IFT122: variants seen among roughly 807,000 people sequenced by gnomAD.
IFT122 encodes intraflagellar transport 122.
In IFT122, 118 loss-of-function variants were observed where a neutral mutation model predicts 161.6. The ratio of observed to expected loss-of-function variants is 0.73; its 90% CI spans 0.63 to 0.85. IFT122 has a LOEUF of 0.85. Among genes scored for constraint, IFT122 ranks in the 40% least tolerant of loss-of-function variants. IFT122 has a pLI of 0.00. For missense variants in IFT122, 1,381 were observed against 1,579.6 expected (o/e 0.87, Z 2.13); for synonymous variants, 550 against 602.4 (o/e 0.91, Z 1.27).
At chr3:129,470,759 G>A (rs1172440379) in intron 9 of IFT122, among the ~76,000 whole-genome samples, 1 of 151,806 alleles carries the variant, frequency 6.6e-6, no homozygotes, top group Non-Finnish European at 1.5e-5. Context: ...TAGTAGAGAC[G>A]GGGTTTCTCC....
intron 19 of IFT122, among the ~76,000 whole-genome samples, chr3:129,501,691 G>C (rs2081570347): frequency 6.6e-6 from 1 of 152,208 alleles, no homozygotes; most frequent in Non-Finnish European, 1.5e-5. Context: ...TGTTCTGCTT[G>C]CTTTCCAGAT....
intron 3 of IFT122, among the ~76,000 whole-genome samples, chr3:129,456,850 A>G (rs936043843): frequency 2.6e-5 from 4 of 152,200 alleles, no homozygotes; most frequent in Admixed American, 1.3e-4. Context: ...CGGGAGTCGG[A>G]GGTTGCGGTG....
At chr3:129,458,750 A>G (rs1158978020) in intron 4 of IFT122, 73 bp downstream of exon 4, 2 of 1,198,530 alleles carry the variant, frequency 1.7e-6, no homozygotes, top group African/African-American at 3.0e-5. Flanking sequence ...CTCTTAGAAA[A>G]GATGTAGGAG....
At chr3:129,441,502 C>T (rs1426051060) in intron 1 of IFT122, among the ~76,000 whole-genome samples, 1 of 152,120 alleles carries the variant, frequency 6.6e-6, no homozygotes, top group African/African-American at 2.4e-5. Context: ...GAAACTGAAG[C>T]CCAGAGAGGG....
At position 129,514,770 on chromosome 3, in the gene IFT122, C is replaced by T. The variant is rs114602799; in HGVS notation, c.3153+216C>T. 0.011 allele frequency: 6,786 copies of T among 646,066 alleles called. 303 individuals carry two copies. Among genetic ancestry groups the T allele is most frequent in the African/African-American group, 0.1 (5,746 of 55,858 alleles). 40.0% of individuals were successfully genotyped at this position (646,066 alleles called of 1,614,324 possible). A position where few individuals can be genotyped will look rare whatever the true frequency, so the allele number is the denominator to read the frequency against. ...CCACCTGGCGCCCGCTCACAGCCCC[C>T]GGCCCCGGCCTCAGCCCTCAGCCTG... On this transcript the variant is annotated intron_variant, in intron 25 of 29. Transcript: ENST00000348417.
In IFT122 at chr3:129,440,322, G is replaced by T. The variant is rs1475140252; in HGVS notation, c.-9G>T. On this transcript the variant is annotated 5_prime_UTR_variant, in exon 1 of 30. Transcript: ENST00000348417. ...GGTAGGAGGAGCCCGAGCCGTAAGG[G>T]AAGCCGTGATGAGGGCCGTGTTGAC... 12 of 1,550,870 alleles carry T rather than the reference G, an allele frequency of 7.7e-6. No individual in the cohort carries two copies. The highest frequency in any genetic ancestry group is 1.0e-5 in the Non-Finnish European group (12 of 1,146,862).
At position 129,483,577 on chromosome 3, in the gene IFT122, C is replaced by A; in HGVS notation, c.1746C>A (p.Thr582=). ...GCTACCTCAACATCAAAGCCAGCAC[C>A]TTCCCTGTGCACCGGCAGAAGCTGC... ...GGGYLNIKAS[T]FPVHRQKLQG... The change falls in exon 15 of 30, where the codon ACC becomes ACA. Residue 582 remains threonine (T), a synonymous_variant. Coordinates refer to ENST00000348417, the MANE Select transcript of IFT122 (RefSeq NM_052989.3). 6.2e-7 allele frequency: 1 copy of A among 1,614,172 alleles called. No homozygotes were observed. The highest frequency in any genetic ancestry group is 8.5e-7 in the Non-Finnish European group (1 of 1,180,032).
Position 129,502,752 on chromosome 3 carries a change from A to C in IFT122, c.2417A>C (p.Glu806Ala). 1 of 1,611,612 alleles carries C rather than the reference A, an allele frequency of 6.2e-7. No homozygotes were observed. Among genetic ancestry groups the C allele is most frequent in the Non-Finnish European group, 8.5e-7 (1 of 1,180,026 alleles). ...IARKLDKAER[E>A]PLLLCATYLK... ...CGCAAACTGGACAAGGCTGAGCGCG[A>C]GCCCCTGCTGCTGTGCGCTACCTAC... Residue 806 changes from glutamate (E) to alanine (A), a missense_variant, in exon 20 of 30, where the codon GAG (glutamate) becomes GCG (alanine). By Grantham distance (107) the Glu-to-Ala change is moderately radical. Transcript: ENST00000348417.
At chr3:129,471,324 A>G (rs889881419) in intron 9 of IFT122, among the ~76,000 whole-genome samples, 3 of 152,348 alleles carry the variant, frequency 2.0e-5, no homozygotes. Context: ...GTATTTTCTC[A>G]GTTTCCCATG....
intron 12 of IFT122, among the ~76,000 whole-genome samples, chr3:129,479,161 C>CTG (rs2078326070): frequency 6.7e-6 from 1 of 150,122 alleles, no homozygotes; most frequent in Admixed American, 6.7e-5. Flanking sequence ...TGGCTCATGC[C>CTG]TGTAAATCCC....
intron 15 of IFT122, chr3:129,488,037 TTG>T (rs2108400652): frequency 1.5e-6 from 1 of 663,676 alleles, no homozygotes; most frequent in South Asian, 1.8e-5. Flanking sequence ...GGCAGAGAGT[TTG>T]TGCTGTGGAG....
rs139940512 is a variant in IFT122 at position 129,519,586 on chromosome 3, G to A, written c.3490G>A (p.Val1164Met). The A allele has an allele frequency of 1.1e-4, 170 of 1,613,436 alleles. 1 individual carries two copies. Among genetic ancestry groups the A allele is most frequent in the African/African-American group, 3.5e-4 (26 of 74,906 alleles). ...LSFEQGGSEF[V>M]PVVVSRLVLR... ...CCTGCAGCAAGGTGGCTCAGAGTTC[G>A]TGCCAGTGGTGGTGAGCCGGCTGGT... Residue 1164 changes from valine (V) to methionine (M), a missense_variant, in exon 29 of 30, where the codon GTG (valine) becomes ATG (methionine). Transcript: ENST00000348417.
In IFT122 at chr3:129,519,193, G is replaced by T. The variant is rs202002444; in HGVS notation, c.3471+7G>T. The T allele has an allele frequency of 9.2e-5, 148 of 1,613,062 alleles. No individual in the cohort carries two copies. Among genetic ancestry groups the T allele is most frequent in the Non-Finnish European group, 1.2e-4 (143 of 1,179,148 alleles). On this transcript the variant is annotated splice_region_variant and intron_variant, in intron 28 of 29. Coordinates refer to ENST00000348417, the MANE Select transcript of IFT122 (RefSeq NM_052989.3). ...AGCTAAGCTGAGCTTTGAGGTGAGG[G>T]TGCCTCTCTGGGTGACCTGCAGGAG...
At chr3:129,446,175 C>T (rs2073966409) in intron 1 of IFT122, among the ~76,000 whole-genome samples, 1 of 152,036 alleles carries the variant, frequency 6.6e-6, no homozygotes, top group African/African-American at 2.4e-5. Context: ...CTTGGGTTGC[C>T]ACAATCCTTT....
intron 6 of IFT122, 144 bp from the exon 7 acceptor site, chr3:129,464,491 T>A: frequency 1.0e-6 from 1 of 953,548 alleles, no homozygotes; most frequent in South Asian, 1.3e-5. Context: ...TGACTTTATG[T>A]CAGGACCGGC....
Position 129,515,547 on chromosome 3 carries a change from C to T in IFT122, c.3213C>T (p.Gly1071=), listed in dbSNP as rs1009542554. Residue 1071 remains glycine, a synonymous_variant, in exon 26 of 30, where the codon GGC becomes GGT. Transcript: ENST00000348417. ...ACAACCCGCTGCTCAACAACCTGGG[C>T]AACGTCTGCATCAACTGCCGCCAGC... ...STNNPLLNNL[G]NVCINCRQPF... is the part of the protein sequence containing the mutation. 3.8e-6 allele frequency: 6 copies of T among 1,580,980 alleles called. No individual in the cohort carries two copies. The highest frequency in any genetic ancestry group is 5.2e-6 in the Non-Finnish European group (6 of 1,152,142).
At chr3:129,519,442 G>A in intron 28 of IFT122, 126 bp from the exon 29 acceptor site, 5 of 1,332,792 alleles carry the variant, frequency 3.8e-6, no homozygotes, top group Non-Finnish European at 5.2e-6. Context: ...GCCACTGTTA[G>A]GGTCACCTGG....
At chr3:129,470,706 G>T (rs1266981732) in intron 9 of IFT122, among the ~76,000 whole-genome samples, 3 of 152,044 alleles carry the variant, frequency 2.0e-5, no homozygotes, top group African/African-American at 7.3e-5. Context: ...GGGTAGCTGG[G>T]ATTACAGGCA....
At position 129,504,361 on chromosome 3, in the gene IFT122, A is replaced by G. The variant is rs779199906; in HGVS notation, c.2590A>G (p.Ile864Val). 3.7e-6 allele frequency: 6 copies of G among 1,614,160 alleles called. No homozygotes were observed. In the East Asian group the frequency reaches 1.1e-4, roughly 30 times the overall value. Residue 864 changes from isoleucine to valine, a missense_variant, in exon 21 of 30, where the codon ATC (isoleucine) becomes GTC (valine). Physicochemically the swap from Ile to Val is conservative, Grantham distance 29. Around this residue, in one of 7 missense-constraint regions of IFT122, gnomAD observed 496 missense variants for 502.5 expected, o/e 0.99. Transcript: ENST00000348417. ...GEKHPEFKDDIYMPYAQWLAE... is the reference protein window; with the variant it reads ...GEKHPEFKDDVYMPYAQWLAE... Reference sequence around the variant, plus strand: ...GAAGCATCCTGAGTTTAAGGATGACATCTACATGCCGTATGCTCAGTGGCT... The same window carrying G: ...GAAGCATCCTGAGTTTAAGGATGACGTCTACATGCCGTATGCTCAGTGGCT...
Sources: gnomAD v4.1 joint callset for allele counts (sites outside exome capture counted in the v4.1 genomes callset) on GRCh38, gnomAD v4.1.1 for gene constraint, gnomAD v4.1.1 regional missense constraint, MANE v1.5 for transcripts, NCBI Gene and HGNC (gene_info 2026-07-23, HGNC 2026-07-21) for gene names.